The following DACH2 variants were observed in gnomAD, a reference collection of about 807,000 sequenced individuals.
The protein encoded by DACH2 is dachshund homolog 2.
Under a neutral mutation model 35.8 loss-of-function variants are expected in DACH2, and 17 were observed. That is an observed-to-expected ratio of 0.48 (90% confidence interval 0.33 to 0.71). The LOEUF is 0.71. Ranked by LOEUF, DACH2 falls within the 30% of genes least tolerant of loss-of-function variation. DACH2 has a pLI of 0.02. For missense variants in DACH2, 469 were observed against 472.7 expected, an observed-to-expected ratio of 0.99 and a Z score of 0.07; for synonymous variants, 195 against 177.3, an observed-to-expected ratio of 1.10 and a Z score of -0.79.
intron 1 of DACH2, among the ~76,000 whole-genome samples, chrX:86,324,571 CTTTTTTT>C (rs56918891): frequency 2.5e-5 from 1 of 40,640 alleles, no homozygotes; most frequent in Non-Finnish European, 3.8e-5. Context: ...TCACTGTTGT[CTTTTTTT>C]TTTTTTTTTT....
rs772362135 is a variant in DACH2, at chrX:86,608,699, A to G, written c.641-42337A>G. On this transcript the variant is annotated intron_variant, in intron 3 of 11. Transcript: ENST00000373125. ...ATTATTTCTCCTTCATGTTTAAAGAATATTTTCACCAGATATATTACTCCA... is the reference window on the plus strand; with the variant it reads ...ATTATTTCTCCTTCATGTTTAAAGAGTATTTTCACCAGATATATTACTCCA... Among the ~76,000 whole-genome samples, 3 of 111,724 alleles carry G rather than the reference A, an allele frequency of 2.7e-5. No individual in the cohort carries two copies. The Admixed American group carries it at 2.8e-4, about 11-fold the overall frequency.
At chrX:86,587,357 A>G (rs762196689) in intron 3 of DACH2, among the ~76,000 whole-genome samples, 1 of 111,660 alleles carries the variant, frequency 9.0e-6, no homozygotes, top group South Asian at 3.7e-4. Context: ...GACATCTCCA[A>G]ATAGAGATAG....
At chrX:86,379,195 A>G (rs1018699195) in intron 2 of DACH2, among the ~76,000 whole-genome samples, 3 of 111,575 alleles carry the variant, frequency 2.7e-5, no homozygotes, top group African/African-American at 9.7e-5. Flanking sequence ...AAATTCCTTT[A>G]TTTTTACAAA....
intron 1 of DACH2, among the ~76,000 whole-genome samples, chrX:86,276,069 T>C (rs1005363754): frequency 3.6e-5 from 4 of 112,352 alleles, no homozygotes; most frequent in Non-Finnish European, 5.6e-5. Context: ...TTTGGGTATA[T>C]ACCCAGCAGT....
At chrX:86,294,088 C>T (rs1443712020) in intron 1 of DACH2, among the ~76,000 whole-genome samples, 1 of 111,557 alleles carries the variant, frequency 9.0e-6, no homozygotes, top group Non-Finnish European at 1.9e-5. Flanking sequence ...GGTCTTTTCA[C>T]ATAGTCCCAT....
chrX:86,599,904 A>G (rs2039767863), intron 3 of DACH2, among the ~76,000 whole-genome samples: 1 of 111,284 alleles, frequency 9.0e-6, no homozygotes, highest in Admixed American at 9.6e-5. Flanking sequence ...GGCCTGCTTC[A>G]CCTGTAATAG....
intron 1 of DACH2, among the ~76,000 whole-genome samples, chrX:86,305,868 G>A (rs1306296325): frequency 9.0e-6 from 1 of 111,592 alleles, no homozygotes; most frequent in Non-Finnish European, 1.9e-5. Flanking sequence ...CAACATCAGG[G>A]AAATGCAAAT....
intron 1 of DACH2, among the ~76,000 whole-genome samples, chrX:86,156,250 T>C (rs1053469828): frequency 9.0e-6 from 1 of 111,213 alleles, no homozygotes; most frequent in Non-Finnish European, 1.9e-5. Context: ...TTCTGAGGAG[T>C]CATTTTTAAC....
At chrX:86,293,245 C>A (rs1414857860) in intron 1 of DACH2, among the ~76,000 whole-genome samples, 9 of 58,586 alleles carry the variant, frequency 1.5e-4, no homozygotes, top group Non-Finnish European at 2.0e-4. Flanking sequence ...ACTAGGATTG[C>A]AACCCTGCCT....
At chrX:86,504,383 C>G (rs1337371725) in intron 2 of DACH2, among the ~76,000 whole-genome samples, 1 of 110,733 alleles carries the variant, frequency 9.0e-6, no homozygotes, top group Non-Finnish European at 1.9e-5. Flanking sequence ...ATCCAGTTTC[C>G]TGGAATCAAT....
rs1265364543 is a variant in DACH2, at chrX:86,695,126, T to C, written c.878T>C (p.Ile293Thr). The change falls in exon 5 of 12, where the codon ATT becomes ACT. Residue 293 changes from isoleucine to threonine, a missense_variant. Around this residue, in one of 3 missense-constraint regions of DACH2, gnomAD observed 363 missense variants for 334.4 expected, o/e 1.09. Transcript: ENST00000373125. ...GCAGCCCTAGCTGGCCAGCCAGGCA[T>C]TGGGGGTGCTCCAACCCTCAATCCA... ...AHAALAGQPG[I>T]GGAPTLNPLQ... 7.0e-6 allele frequency: 8 copies of C among 1,140,019 alleles called. No homozygotes were observed. The highest frequency in any genetic ancestry group is 3.3e-5 in the East Asian group (1 of 30,045). The allele number at this position is 1,140,019 out of a possible 1,213,427, so 94.0% of individuals were successfully genotyped here. A position where few individuals can be genotyped will look rare whatever the true frequency, so the allele number is the denominator to read the frequency against.
chrX:86,564,686 A>G (rs910407100), intron 3 of DACH2, among the ~76,000 whole-genome samples: 3 of 111,566 alleles, frequency 2.7e-5, no homozygotes, highest in Non-Finnish European at 5.7e-5. Flanking sequence ...CCCACAATTA[A>G]AGATGTAATA....
chrX:86,709,984 A>AT lies in DACH2; in HGVS notation c.932-4557dup, dbSNP rs748308931. 6.0e-3 allele frequency among the ~76,000 whole-genome samples: 671 copies of AT among 111,929 alleles called. 7 individuals carry two copies. Among genetic ancestry groups the AT allele is most frequent in the African/African-American group, 0.021 (635 of 30,895 alleles). ...AGTGACTTTGGAAGACATTTTGGGC[A>AT]TTTTTTTAACTAAAGTAAACATAGT... On this transcript the variant is annotated intron_variant, in intron 5 of 11. Transcript: ENST00000373125.
chrX:86,201,810 C>G (rs752629768), intron 1 of DACH2, among the ~76,000 whole-genome samples: 2 of 110,612 alleles, frequency 1.8e-5, no homozygotes, highest in East Asian at 5.7e-4. Flanking sequence ...TATGATTTTA[C>G]CTTCTTCAGA....
rs6623782 is a variant in DACH2 at position 86,804,087 on chromosome X, C to T, written c.1241-8769C>T. 7.4e-3 allele frequency among the ~76,000 whole-genome samples: 828 copies of T among 111,839 alleles called. 8 individuals are homozygous for T. The highest frequency in any genetic ancestry group is 0.026 in the African/African-American group (791 of 30,821). The stretch of plus-strand genomic sequence containing the variant: ...GGAATGCTTCAGACCAGACATGTTT[C>T]CATTATTGGTCCATTCTTGCATTGC... On this transcript the variant is annotated intron_variant, in intron 7 of 11. Transcript: ENST00000373125.
At chrX:86,290,224 T>A (rs1379068016) in intron 1 of DACH2, among the ~76,000 whole-genome samples, 2 of 70,590 alleles carry the variant, frequency 2.8e-5, no homozygotes, top group Non-Finnish European at 5.2e-5. Context: ...TGTCTTCTTT[T>A]GAGAAGTGTC....
intron 7 of DACH2, among the ~76,000 whole-genome samples, chrX:86,795,628 C>T (rs1323579713): frequency 8.9e-6 from 1 of 112,451 alleles, no homozygotes; most frequent in African/African-American, 3.2e-5. Context: ...GAATTTATTC[C>T]TTCCAGTGGG....
chrX:86,397,584 A>G (rs1162852477), intron 2 of DACH2, among the ~76,000 whole-genome samples: 1 of 111,532 alleles, frequency 9.0e-6, no homozygotes, highest in East Asian at 2.8e-4. Flanking sequence ...TAATTTACTG[A>G]GAGTGTTTAG....
chrX:86,461,470 T>A (rs2148210533), intron 2 of DACH2, among the ~76,000 whole-genome samples: 1 of 111,216 alleles, frequency 9.0e-6, no homozygotes, highest in South Asian at 3.7e-4. Flanking sequence ...AATAAAAGTG[T>A]GGCAGAAAGA....
Sources: allele counts gnomAD v4.1 joint callset (sites outside exome capture counted in the v4.1 genomes callset), GRCh38; gene constraint gnomAD v4.1.1; regional missense constraint gnomAD v4.1.1; transcripts MANE v1.5; gene names NCBI Gene and HGNC (gene_info 2026-07-23, HGNC 2026-07-21).